The following CACNA1C variants were observed in gnomAD, a reference collection of about 807,000 sequenced individuals.
CACNA1C encodes the protein voltage-dependent L-type calcium channel subunit alpha-1C.
CACNA1C carries 30 observed loss-of-function variants against 229.0 expected under a neutral mutation model. The ratio of observed to expected loss-of-function variants is 0.13; its 90% CI spans 0.10 to 0.18. CACNA1C has a LOEUF of 0.18. CACNA1C is among the 10% of genes least tolerant of loss of function. The pLI, the probability that CACNA1C is intolerant of heterozygous loss-of-function variation, is 1.00. For synonymous variants in CACNA1C, 1,114 were observed against 1,132.5 expected (o/e 0.98, Z 0.33); for missense variants, 1,658 against 2,845.0 (o/e 0.58, Z 9.49).
rs527741368 is a variant in CACNA1C, at chr12:2,457,615, C to T, written c.666C>T (p.Asn222=). 20 of 1,613,266 alleles carry T rather than the reference C, an allele frequency of 1.2e-5. No homozygotes were observed. The highest frequency in any genetic ancestry group is 6.7e-5 in the East Asian group (3 of 44,854). ...LEQATKADGA[N]ALGGKGAGFD... is the part of the protein sequence containing the mutation. The stretch of plus-strand genomic sequence containing the variant: ...AAGCAACCAAAGCAGATGGGGCAAA[C>T]GCTCTCGGAGGGAAAGGGGCCGGAT... The change falls in exon 5 of 47, where the codon AAC becomes AAT. Residue 222 remains asparagine, a synonymous_variant. Coordinates refer to ENST00000399655, the MANE Select transcript of CACNA1C (RefSeq NM_000719.7).
At chr12:2,434,888 A>T (rs1431134968) in intron 3 of CACNA1C, among the ~76,000 whole-genome samples, 1 of 152,212 alleles carries the variant, frequency 6.6e-6, no homozygotes, top group African/African-American at 2.4e-5. Flanking sequence ...ACTTCAGTCT[A>T]GTTCATCTAA....
At chr12:2,586,173 T>C (rs969059097) in intron 18 of CACNA1C, among the ~76,000 whole-genome samples, 1 of 152,248 alleles carries the variant, frequency 6.6e-6, no homozygotes, top group Admixed American at 6.5e-5. Flanking sequence ...TACATTTAAA[T>C]TTTTGTTACA....
chr12:2,241,326 G>A (rs2070080122), intron 3 of CACNA1C, among the ~76,000 whole-genome samples: 1 of 152,094 alleles, frequency 6.6e-6, no homozygotes, highest in African/African-American at 2.4e-5. Context: ...CAGAAGCCAA[G>A]GATCCTGTAA....
Position 2,677,119 on chromosome 12 carries a change from C to G in CACNA1C, c.4854C>G (p.Phe1618Leu), listed in dbSNP as rs2096864204. Residue 1618 changes from phenylalanine to leucine, a missense_variant, in exon 40 of 47, where the codon TTC becomes TTG. Around this residue, in one of 20 missense-constraint regions of CACNA1C, gnomAD observed 151 missense variants for 344.4 expected, o/e 0.44. Coordinates refer to ENST00000399655, the MANE Select transcript of CACNA1C (RefSeq NM_000719.7). This position sits in a 1 kb window ranked among gnomAD's most constrained non-coding sequence, Gnocchi z 7.4. ...ATGATGAGGTCACCGTTGGCAAGTT[C>G]TACGCCACGTTCCTGATCCAGGAGT... The part of the protein sequence containing the change: ...AGDDEVTVGK[F>L]YATFLIQEYF... 1 of 1,613,312 alleles carries G rather than the reference C, an allele frequency of 6.2e-7. No homozygotes were observed.
rs555068870 is a variant in CACNA1C, at chr12:2,347,377, A to T, written c.478-101599A>T. ...GTGTGCTAGGTACATCCACAGCATC[A>T]CAGTTTCATTTCATGCTGCTGACAA... On this transcript the variant is annotated intron_variant, in intron 3 of 46. Coordinates refer to ENST00000399655, the MANE Select transcript of CACNA1C (RefSeq NM_000719.7). Among the ~76,000 whole-genome samples the T allele has an allele frequency of 2.6e-5, 4 of 152,238 alleles. No individual in the cohort carries two copies. The South Asian group carries it at 8.3e-4, about 32-fold the overall frequency.
At chr12:2,416,052 G>C (rs1331318013) in intron 3 of CACNA1C, among the ~76,000 whole-genome samples, 2 of 152,224 alleles carry the variant, frequency 1.3e-5, no homozygotes, top group South Asian at 4.1e-4. Flanking sequence ...ACCTCTTCAC[G>C]TGTATCCTCA....
intron 3 of CACNA1C, among the ~76,000 whole-genome samples, chr12:2,221,109 A>C (rs954724246): frequency 4.6e-5 from 7 of 152,194 alleles, no homozygotes; most frequent in Non-Finnish European, 7.3e-5. Flanking sequence ...ATGGCATAGC[A>C]AGTACAAAGG....
At chr12:2,521,832 A>T (rs1317601211) in intron 9 of CACNA1C, among the ~76,000 whole-genome samples, 2 of 152,100 alleles carry the variant, frequency 1.3e-5, no homozygotes, top group East Asian at 3.9e-4. Context: ...TAATGCAGCC[A>T]AGTTCATATT....
intron 5 of CACNA1C, among the ~76,000 whole-genome samples, chr12:2,480,383 G>C (rs1395164431): frequency 6.6e-6 from 1 of 152,208 alleles, no homozygotes; most frequent in African/African-American, 2.4e-5. Context: ...TGCCAAAGGA[G>C]GACCCTCGTG....
chr12:2,170,479 G>A (rs767744008), intron 3 of CACNA1C, among the ~76,000 whole-genome samples: 1 of 152,260 alleles, frequency 6.6e-6, no homozygotes, highest in African/African-American at 2.4e-5. Flanking sequence ...CTGCAAGACT[G>A]GGTCTTGGCC....
rs766333075 is a variant in CACNA1C, at chr12:2,504,397, T to G, written c.1114-445T>G. ...TGCCTGCCTCTTTGCTGTAACCCAA[T>G]TCTGCTTCTTCTTTCCTAACTTTCC... On this transcript the variant is annotated intron_variant, in intron 7 of 46. Transcript: ENST00000399655. The surrounding 1 kb of genome is among the most constrained non-coding windows in gnomAD (Gnocchi z 6.8). 4.1e-6 allele frequency: 5 copies of G among 1,227,850 alleles called. No individual in the cohort carries two copies. The highest frequency in any genetic ancestry group is 6.0e-6 in the Non-Finnish European group (5 of 828,188). 76.1% of individuals were successfully genotyped at this position (1,227,850 alleles called of 1,614,324 possible). A position where few individuals can be genotyped will look rare whatever the true frequency, so the allele number is the denominator to read the frequency against.
rs185035731 is a variant in CACNA1C at position 2,695,789 on chromosome 12, C to T, written c.*4590C>T. 10 of 152,202 alleles carry T rather than the reference C, an allele frequency of 6.6e-5. No homozygotes were observed. Among genetic ancestry groups the T allele is most frequent in the Admixed American group, 3.3e-4 (5 of 15,280 alleles). The allele number at this position is 152,202 out of a possible 1,614,324, so 9.4% of individuals were successfully genotyped here. A position where few individuals can be genotyped will look rare whatever the true frequency, so the allele number is the denominator to read the frequency against. ...GTTTAACTTCATTCATCAATTTATT[C>T]TTATGTCAAAGCAATGAAACTTTTC... On this transcript the variant is annotated 3_prime_UTR_variant, in exon 47 of 47. Coordinates refer to ENST00000399655, the MANE Select transcript of CACNA1C (RefSeq NM_000719.7).
rs935814874 is a variant in CACNA1C at position 2,467,865 on chromosome 12, C to G, written c.757+10159C>G. ...CCCACTCAGAGTCCCGACCCTGCTG[C>G]GACTTCTCTGTTGCCCTGCCAGGTG... On this transcript the variant is annotated intron_variant, in intron 5 of 46. Coordinates refer to ENST00000399655, the MANE Select transcript of CACNA1C (RefSeq NM_000719.7). The surrounding 1 kb of genome is among the most constrained non-coding windows in gnomAD (Gnocchi z 4.6). Among the ~76,000 whole-genome samples the G allele has an allele frequency of 2.0e-5, 3 of 152,222 alleles. No homozygotes were observed. Among genetic ancestry groups the G allele is most frequent in the Non-Finnish European group, 2.9e-5 (2 of 68,036 alleles).
At position 2,146,851 on chromosome 12, in the gene CACNA1C, C is replaced by T. The variant is rs184754178; in HGVS notation, c.477+26421C>T. ...GCCTTTAATCATCCAAGGTGAATGTCTAAGGGTGGACCCAAGCAGGGCTGG... is the reference window on the plus strand; with the variant it reads ...GCCTTTAATCATCCAAGGTGAATGTTTAAGGGTGGACCCAAGCAGGGCTGG... On this transcript the variant is annotated intron_variant, in intron 3 of 46. Transcript: ENST00000399655. Among the ~76,000 whole-genome samples, 18 of 150,384 alleles carry T rather than the reference C, an allele frequency of 1.2e-4. 1 individual carries two copies. Among genetic ancestry groups the T allele is most frequent in the Admixed American group, 4.0e-4 (6 of 14,946 alleles).
chr12:2,598,474 T>C (rs1417645657), intron 21 of CACNA1C, among the ~76,000 whole-genome samples: 3 of 152,200 alleles, frequency 2.0e-5, no homozygotes, highest in Non-Finnish European at 4.4e-5. Flanking sequence ...CGTGTGCTCC[T>C]CTCTGAGCAA....
intron 2 of CACNA1C, among the ~76,000 whole-genome samples, chr12:2,118,423 G>T (rs748853359): frequency 1.3e-5 from 2 of 152,336 alleles, no homozygotes; most frequent in Non-Finnish European, 2.9e-5. Context: ...AGGGCTAAAA[G>T]AACTGCCTAT....
chr12:2,249,853 C>A (rs1431282437), intron 3 of CACNA1C, among the ~76,000 whole-genome samples: 1 of 150,262 alleles, frequency 6.7e-6, no homozygotes, highest in African/African-American at 2.5e-5. Context: ...TCATTGCAAG[C>A]GCCGCCTCCC....
At chr12:2,623,659 C>G (rs1275009979) in intron 29 of CACNA1C, among the ~76,000 whole-genome samples, 3 of 152,182 alleles carry the variant, frequency 2.0e-5, no homozygotes, top group Non-Finnish European at 4.4e-5. Context: ...TGGTGGCATC[C>G]ACACTGACCT....
chr12:1,971,191 C>T lies in CACNA1C; in HGVS notation c.129C>T (p.Ile43=), dbSNP rs1489137722. Residue 43 remains isoleucine (I), a synonymous_variant, in exon 1 of 47, where the codon ATC becomes ATT. Transcript: ENST00000682462. This position sits in a 1 kb window ranked among gnomAD's most constrained non-coding sequence, Gnocchi z 4.2. ...AAGCTCAACTCAACTATTTCTACAT[C>T]TCTCCTGGAGGTAAGAAACCCTAAA... is the stretch of plus-strand genomic sequence containing the variant. 2 of 1,288,414 alleles carry T rather than the reference C, an allele frequency of 1.6e-6. No individual in the cohort carries two copies. The highest frequency in any genetic ancestry group is 2.0e-6 in the Non-Finnish European group (2 of 987,656). 79.8% of individuals were successfully genotyped at this position (1,288,414 alleles called of 1,614,324 possible).
Sources: gnomAD v4.1 joint callset for allele counts (sites outside exome capture counted in the v4.1 genomes callset) on GRCh38, gnomAD v4.1.1 for gene constraint, gnomAD v4.1.1 regional missense constraint, Gnocchi (gnomAD v3.1) non-coding constraint, MANE v1.5 for transcripts, NCBI Gene and HGNC (gene_info 2026-07-23, HGNC 2026-07-21) for gene names.